The following PPM1B variants were observed in gnomAD, a reference collection of about 807,000 sequenced individuals.
The protein encoded by PPM1B is protein phosphatase 1B.
A neutral mutation model predicts 43.0 loss-of-function variants in PPM1B; 22 were observed. The ratio of observed to expected loss-of-function variants is 0.51; its 90% CI spans 0.37 to 0.73. The LOEUF is 0.73. Among genes scored for constraint, PPM1B ranks in the 30% least tolerant of loss-of-function variants. The pLI, the probability that PPM1B is intolerant of heterozygous loss-of-function variation, is 0.00. For synonymous variants in PPM1B, 217 were observed against 197.9 expected, an observed-to-expected ratio of 1.10 and a Z score of -0.81; for missense variants, 632 against 584.2, an observed-to-expected ratio of 1.08 and a Z score of -0.84.
intron 2 of PPM1B, among the ~76,000 whole-genome samples, chr2:44,205,602 C>T (rs1669153797): frequency 2.0e-5 from 3 of 151,956 alleles, no homozygotes; most frequent in Non-Finnish European, 2.9e-5. Context: ...AATGTATAAA[C>T]GTAAAATAGG....
At chr2:44,182,174 GTATGT>G (rs1667905998) in intron 1 of PPM1B, among the ~76,000 whole-genome samples, 1 of 152,168 alleles carries the variant, frequency 6.6e-6, no homozygotes. Context: ...TGAAATGGCT[GTATGT>G]TATATCGTGA....
chr2:44,224,778 A>G (rs1361953474), intron 5 of PPM1B, among the ~76,000 whole-genome samples: 1 of 152,182 alleles, frequency 6.6e-6, no homozygotes, highest in Non-Finnish European at 1.5e-5. Flanking sequence ...GAATAATTGT[A>G]AACATCCCAG....
chr2:44,202,575 C>G (rs1668991396), intron 2 of PPM1B, among the ~76,000 whole-genome samples: 1 of 150,492 alleles, frequency 6.6e-6, no homozygotes, highest in Non-Finnish European at 1.5e-5. Flanking sequence ...TCTGGCAATA[C>G]AATCTAAAAA....
chr2:44,237,295 C>T (rs772075498), downstream of PPM1B, among the ~76,000 whole-genome samples: 7 of 152,150 alleles, frequency 4.6e-5, no homozygotes, highest in Non-Finnish European at 1.0e-4. Context: ...GTGTATGTTA[C>T]ATTATGGTCT....
chr2:44,184,259 G>C (rs1668021725), intron 1 of PPM1B, among the ~76,000 whole-genome samples: 1 of 152,148 alleles, frequency 6.6e-6, no homozygotes, highest in African/African-American at 2.4e-5. Context: ...CTTTTTGATA[G>C]GACATTGACC....
chr2:44,186,692 G>A (rs1240944705), intron 1 of PPM1B, among the ~76,000 whole-genome samples: 3 of 152,174 alleles, frequency 2.0e-5, no homozygotes, highest in African/African-American at 7.2e-5. Context: ...TAACTAAAAG[G>A]TTTATACAAC....
chr2:44,190,376 C>T (rs944932428), intron 1 of PPM1B, among the ~76,000 whole-genome samples: 1 of 152,070 alleles, frequency 6.6e-6, no homozygotes, highest in Admixed American at 6.6e-5. Context: ...CCAGGCTGGT[C>T]TCAAACTCTT....
At chr2:44,232,594 C>CT (rs1670500010), downstream of PPM1B, 1 of 1,300,942 alleles carries the variant, frequency 7.7e-7, no homozygotes, top group South Asian at 2.1e-5. Context: ...CTGTATTGAA[C>CT]TTTCGGCCCT....
intron 1 of PPM1B, among the ~76,000 whole-genome samples, chr2:44,177,505 G>C (rs115494515): frequency 7.1e-6 from 1 of 140,852 alleles, no homozygotes; most frequent in Non-Finnish European, 1.5e-5. Context: ...TGCAGCCTCC[G>C]CCTTCAGGTT....
intron 1 of PPM1B, among the ~76,000 whole-genome samples, chr2:44,188,909 T>G (rs1668269836): frequency 1.3e-5 from 2 of 151,550 alleles, no homozygotes; most frequent in South Asian, 4.2e-4. Flanking sequence ...GGTGCCAATT[T>G]GGGTTTTTTG....
chr2:44,169,096 T>G lies in PPM1B; in HGVS notation c.-193T>G, dbSNP rs12712912. The G allele has an allele frequency of 0.86, 156,643 of 181,634 alleles. 67,754 individuals are homozygous for G. Among genetic ancestry groups the G allele is most frequent in the South Asian group, 0.94 (10,967 of 11,690 alleles). The allele number at this position is 181,634 out of a possible 1,614,324, so 11.3% of individuals were successfully genotyped here. A position where few individuals can be genotyped will look rare whatever the true frequency, so the allele number is the denominator to read the frequency against. ...GCGCTAGGGTGGAGAGAAGGCGGCA[T>G]CGGCGGCGGCGGCGGCGTGAGGGGC... On this transcript the variant is annotated 5_prime_UTR_variant, in exon 1 of 6. Transcript: ENST00000282412.
chr2:44,246,059 T>C (rs541390292), downstream of PPM1B, among the ~76,000 whole-genome samples: 3 of 152,340 alleles, frequency 2.0e-5, no homozygotes, highest in South Asian at 2.1e-4. Flanking sequence ...CATTATTTCA[T>C]TGATTACCAT....
downstream of PPM1B, among the ~76,000 whole-genome samples, chr2:44,239,264 A>G (rs916029828): frequency 1.3e-5 from 2 of 151,600 alleles, no homozygotes; most frequent in Non-Finnish European, 2.9e-5. Flanking sequence ...TGAGAAAAAC[A>G]TCTTTCCTAT....
At chr2:44,180,051 T>G (rs200243266) in intron 1 of PPM1B, among the ~76,000 whole-genome samples, 400 of 9,490 alleles carry the variant, frequency 0.042, 3 homozygotes, top group African/African-American at 0.084. Flanking sequence ...AAGTCAACTC[T>G]TAAAATATTC....
chr2:44,184,680 T>A (rs1312041327), intron 1 of PPM1B, among the ~76,000 whole-genome samples: 1 of 151,986 alleles, frequency 6.6e-6, no homozygotes, highest in Non-Finnish European at 1.5e-5. Context: ...CCTCCCTTCT[T>A]CTCCCCTAAG....
downstream of PPM1B, among the ~76,000 whole-genome samples, chr2:44,235,980 C>T (rs1388074338): frequency 6.6e-6 from 1 of 151,902 alleles, no homozygotes; most frequent in Non-Finnish European, 1.5e-5. Context: ...ATCTAAGCAA[C>T]AAATGCTTCC....
At chr2:44,236,293 C>G (rs1053554341), downstream of PPM1B, among the ~76,000 whole-genome samples, 2 of 150,070 alleles carry the variant, frequency 1.3e-5, no homozygotes, top group African/African-American at 4.9e-5. Flanking sequence ...GTCCTAGCTA[C>G]TCGGGAGTTT....
At chr2:44,217,424 T>C (rs964914512) in intron 3 of PPM1B, among the ~76,000 whole-genome samples, 4 of 151,522 alleles carry the variant, frequency 2.6e-5, no homozygotes, top group Admixed American at 2.6e-4. Context: ...AGCTGTAGAA[T>C]GTAACTATTT....
intron 5 of PPM1B, among the ~76,000 whole-genome samples, chr2:44,219,695 G>T (rs1669883323): frequency 6.6e-6 from 1 of 152,092 alleles, no homozygotes; most frequent in African/African-American, 2.4e-5. Flanking sequence ...TGTAATCCCA[G>T]CAGTTTGGGA....
Sources: gnomAD v4.1 joint callset for allele counts (sites outside exome capture counted in the v4.1 genomes callset) on GRCh38, gnomAD v4.1.1 for gene constraint, MANE v1.5 for transcripts, NCBI Gene and HGNC (gene_info 2026-07-23, HGNC 2026-07-21) for gene names.